WDR41: variants seen among roughly 807,000 people sequenced by gnomAD.
The protein encoded by WDR41 is WD repeat domain 41.
WDR41 carries 63 observed loss-of-function variants against 69.3 expected under a neutral mutation model. The ratio of observed to expected loss-of-function variants is 0.91; its 90% CI spans 0.74 to 1.12. The LOEUF (loss-of-function observed/expected upper bound fraction) is 1.12. WDR41 is among the 50% of genes most tolerant of loss of function. WDR41 has a pLI of 0.00. For synonymous variants in WDR41, 185 were observed against 192.1 expected (o/e 0.96, Z 0.31); for missense variants, 543 against 534.5 (o/e 1.02, Z -0.16).
chr5:77,588,298 C>A (rs1744076062), intron 1 of WDR41, among the ~76,000 whole-genome samples: 1 of 152,148 alleles, frequency 6.6e-6, no homozygotes, highest in Non-Finnish European at 1.5e-5. Flanking sequence ...TCCAATATCT[C>A]ATTCTTCTCT....
At chr5:77,527,985 T>C (rs1042259454) in intron 1 of WDR41, among the ~76,000 whole-genome samples, 6 of 151,546 alleles carry the variant, frequency 4.0e-5, no homozygotes, top group African/African-American at 1.5e-4. Context: ...TAAAAATTAA[T>C]GAGGTAAGTA....
intron 3 of WDR41, among the ~76,000 whole-genome samples, chr5:77,464,028 A>G (rs1800180394): frequency 6.6e-6 from 1 of 151,564 alleles, no homozygotes; most frequent in Admixed American, 6.6e-5. Context: ...AAACTGGTGA[A>G]GCCTTAAGTA....
chr5:77,609,511 T>A (rs1359613593), intron 1 of WDR41, among the ~76,000 whole-genome samples: 2 of 152,206 alleles, frequency 1.3e-5, no homozygotes, highest in Non-Finnish European at 2.9e-5. Context: ...AAATCCGCTG[T>A]TCTGCAGCCA....
At chr5:77,463,068 G>C in intron 4 of WDR41, 27 bp downstream of exon 4, 1 of 1,608,898 alleles carries the variant, frequency 6.2e-7, no homozygotes, top group Non-Finnish European at 8.5e-7. Flanking sequence ...ACTACAGCTT[G>C]TTCATTTCTT....
At chr5:77,463,327 A>G in intron 3 of WDR41, 101 bp from the exon 4 acceptor site, 1 of 1,058,426 alleles carries the variant, frequency 9.4e-7, no homozygotes, top group Non-Finnish European at 1.3e-6. Context: ...ATACATATAC[A>G]TTCCATTTAA....
intron 1 of WDR41, among the ~76,000 whole-genome samples, chr5:77,531,109 G>A (rs1802523487): frequency 6.6e-6 from 1 of 151,786 alleles, no homozygotes; most frequent in African/African-American, 2.4e-5. Context: ...TGGATTTCTA[G>A]ATATAAAACC....
chr5:77,585,301 A>G (rs1744018678), intron 1 of WDR41, among the ~76,000 whole-genome samples: 1 of 152,220 alleles, frequency 6.6e-6, no homozygotes, highest in African/African-American at 2.4e-5. Flanking sequence ...AAGAATGGCC[A>G]TAATCAAAAA....
chr5:77,487,049 G>A (rs1801556401), intron 2 of WDR41, among the ~76,000 whole-genome samples: 1 of 152,150 alleles, frequency 6.6e-6, no homozygotes, highest in South Asian at 2.1e-4. Flanking sequence ...CTATAGGCTG[G>A]CCTCTTCTAC....
chr5:77,608,422 C>A (rs1744470408), intron 1 of WDR41, among the ~76,000 whole-genome samples: 1 of 152,084 alleles, frequency 6.6e-6, no homozygotes, highest in Admixed American at 6.5e-5. Context: ...AAACATTGGG[C>A]CTAATTCTGA....
At chr5:77,540,459 T>C (rs1209954962) in intron 1 of WDR41, 1 of 152,232 alleles carries the variant, frequency 6.6e-6, no homozygotes, top group African/African-American at 2.4e-5. Context: ...CATTCTTACA[T>C]TTCAAACATA....
intron 1 of WDR41, chr5:77,582,645 G>A (rs575429236): frequency 1.2e-5 from 20 of 1,601,914 alleles, no homozygotes; most frequent in African/African-American, 9.3e-5. Context: ...CCAAATTGGC[G>A]TTTGTCATCA....
intron 1 of WDR41, among the ~76,000 whole-genome samples, chr5:77,589,492 T>G (rs766685478): frequency 2.0e-5 from 3 of 152,202 alleles, no homozygotes; most frequent in Non-Finnish European, 4.4e-5. Context: ...GAGGAAACTA[T>G]GTTGTCTTCC....
intron 9 of WDR41, 26 bp from the exon 10 acceptor site, chr5:77,438,387 C>T (rs1561726655): frequency 1.2e-6 from 2 of 1,612,524 alleles, no homozygotes; most frequent in South Asian, 2.2e-5. Flanking sequence ...CAGAAATGGG[C>T]ATAAAACTAG....
At chr5:77,553,074 G>A (rs1459588076) in intron 1 of WDR41, among the ~76,000 whole-genome samples, 4 of 152,182 alleles carry the variant, frequency 2.6e-5, no homozygotes, top group Non-Finnish European at 5.9e-5. Context: ...TTTGTTCTGT[G>A]AAAGCCATAT....
chr5:77,465,900 C>T (rs1800285372), intron 2 of WDR41, among the ~76,000 whole-genome samples: 1 of 151,938 alleles, frequency 6.6e-6, no homozygotes, highest in Non-Finnish European at 1.5e-5. Flanking sequence ...CTTTCCTTAA[C>T]ACTCCAAACT....
In WDR41 at chr5:77,471,803, A is replaced by G. The variant is rs1049638209; in HGVS notation, c.168-6994T>C. Among the ~76,000 whole-genome samples, 7 of 152,304 alleles carry G rather than the reference A, an allele frequency of 4.6e-5. No individual in the cohort carries two copies. The South Asian group carries it at 6.2e-4, about 14-fold the overall frequency. ...ATAATTAATAGCTTACCAACCAAAA[A>G]AAAATCCAGGACCAGATGGATTCAC... is the stretch of plus-strand genomic sequence containing the variant. On this transcript the variant is annotated intron_variant, in intron 2 of 12. Transcript: ENST00000296679.
intron 1 of WDR41, among the ~76,000 whole-genome samples, chr5:77,569,941 T>A (rs1743704234): frequency 6.6e-6 from 1 of 152,196 alleles, no homozygotes; most frequent in Admixed American, 6.5e-5. Context: ...CAGTACAGTA[T>A]AAGCTCAGCA....
At chr5:77,581,349 G>A (rs1443934646) in intron 1 of WDR41, among the ~76,000 whole-genome samples, 2 of 152,186 alleles carry the variant, frequency 1.3e-5, no homozygotes, top group African/African-American at 4.8e-5. Flanking sequence ...GCACCAAGGT[G>A]CATAAAGCAA....
At chr5:77,503,834 C>A (rs1270279674) in intron 1 of WDR41, among the ~76,000 whole-genome samples, 1 of 152,066 alleles carries the variant, frequency 6.6e-6, no homozygotes, top group Non-Finnish European at 1.5e-5. Flanking sequence ...CCAATGAGAA[C>A]AAAGACACAA....
Sources: allele counts gnomAD v4.1 joint callset (sites outside exome capture counted in the v4.1 genomes callset), GRCh38; gene constraint gnomAD v4.1.1; transcripts MANE v1.5; gene names NCBI Gene and HGNC (gene_info 2026-07-23, HGNC 2026-07-21).